Variants in TACC2 observed in about 807,000 individuals in gnomAD.
TACC2 encodes transforming acidic coiled-coil-containing protein 2.
In TACC2, 137 loss-of-function variants were observed where a neutral mutation model predicts 227.3. The ratio of observed to expected loss-of-function variants is 0.60; its 90% CI spans 0.52 to 0.69. The LOEUF (loss-of-function observed/expected upper bound fraction) is 0.69, where lower values mean the gene tolerates loss of function less well. Among genes scored for constraint, TACC2 ranks in the 30% least tolerant of loss-of-function variants. The probability of loss-of-function intolerance (pLI) is 0.00; values close to 1 mark genes in which losing one functional copy is unlikely to be tolerated. For missense variants in TACC2, 3,470 were observed against 3,694.4 expected, an observed-to-expected ratio of 0.94 and a Z score of 1.57; for synonymous variants, 1,523 against 1,487.5, an observed-to-expected ratio of 1.02 and a Z score of -0.55.
chr10:122,163,484 A>C (rs1014207286), intron 7 of TACC2: 1 of 820,428 alleles, frequency 1.2e-6, no homozygotes, highest in Non-Finnish European at 1.5e-6. Flanking sequence ...TCGCCTCCCC[A>C]CCCCCAGCCC....
chr10:122,122,854 T>A (rs778079811), intron 5 of TACC2, among the ~76,000 whole-genome samples: 1 of 152,222 alleles, frequency 6.6e-6, no homozygotes, highest in South Asian at 2.1e-4. Flanking sequence ...CATTAATTCT[T>A]TTATTGTAAT....
intron 7 of TACC2, among the ~76,000 whole-genome samples, chr10:122,179,572 G>A (rs2093889170): frequency 6.6e-6 from 1 of 152,134 alleles, no homozygotes; most frequent in Admixed American, 6.6e-5. Flanking sequence ...TCACCTTGGA[G>A]GCGAGCAAGC....
chr10:122,043,587 CCTTTCTTT>C, intron 2 of TACC2, among the ~76,000 whole-genome samples: 1 of 47,626 alleles, frequency 2.1e-5, no homozygotes, highest in African/African-American at 7.1e-5. Flanking sequence ...TTCCTTTCTT[CCTTTCTTT>C]CTTTCTTACA....
intron 8 of TACC2, among the ~76,000 whole-genome samples, chr10:122,203,894 G>A (rs975687492): frequency 2.6e-5 from 4 of 152,174 alleles, no homozygotes; most frequent in South Asian, 2.1e-4. Context: ...ACGAGACTCC[G>A]TCTGCAATCC....
At chr10:122,215,368 T>C (rs1462370828) in intron 9 of TACC2, 23 bp from the exon 10 acceptor site, 1 of 1,610,704 alleles carries the variant, frequency 6.2e-7, no homozygotes, top group African/African-American at 1.3e-5. Flanking sequence ...TTGTTGTGTT[T>C]ACGTTTTCCA....
chr10:122,195,223 G>T lies in TACC2; in HGVS notation c.5971+47G>T, dbSNP rs74159085. On this transcript the variant is annotated intron_variant, in intron 8 of 22. Coordinates refer to ENST00000369005, the MANE Select transcript of TACC2 (RefSeq NM_206862.4). ...CCCAGACAGCCCTGTAGAGTTGTGA[G>T]CCCTGGGGGAGATTTGCAGCAGTTC... 6.9e-3 allele frequency: 10,584 copies of T among 1,527,166 alleles called. 679 individuals are homozygous for T. The African/African-American group carries it at 0.13, about 19-fold the overall frequency. 94.6% of individuals were successfully genotyped at this position (1,527,166 alleles called of 1,614,324 possible). A position where few individuals can be genotyped will look rare whatever the true frequency, so the allele number is the denominator to read the frequency against.
rs2080266537 is a variant in TACC2, at chr10:122,087,938, C to T, written c.5438C>T (p.Pro1813Leu). 4.0e-6 allele frequency: 6 copies of T among 1,510,706 alleles called. No homozygotes were observed. The highest frequency in any genetic ancestry group is 5.3e-6 in the Non-Finnish European group (6 of 1,130,028). The allele number at this position is 1,510,706 out of a possible 1,614,324, so 93.6% of individuals were successfully genotyped here. The change falls in exon 4 of 23, where the codon CCA becomes CTA. Residue 1813 changes from proline (P) to leucine (L), a missense_variant. Around this residue, in one of 10 missense-constraint regions of TACC2, gnomAD observed 1,924 missense variants for 1,978.3 expected, o/e 0.97. Coordinates refer to ENST00000369005, the MANE Select transcript of TACC2 (RefSeq NM_206862.4). ...THDPKLQHLAPEELHTDRESP... is the reference protein window; with the variant it reads ...THDPKLQHLALEELHTDRESP... ...GACCCGAAGCTGCAACATTTGGCTC[C>T]AGAAGAGCTCCACACTGACAGGTAC...
At chr10:122,246,196 G>A (rs539441531) in intron 19 of TACC2, among the ~76,000 whole-genome samples, 1 of 152,308 alleles carries the variant, frequency 6.6e-6, no homozygotes, top group South Asian at 2.1e-4. Context: ...CTCACGCCGT[G>A]GGGTGGGGTG....
At chr10:122,200,937 ACAGCGACC>A (rs2094798137) in intron 8 of TACC2, among the ~76,000 whole-genome samples, 1 of 146,954 alleles carries the variant, frequency 6.8e-6, no homozygotes, top group African/African-American at 2.6e-5. Flanking sequence ...CACGGGGAGG[ACAGCGACC>A]TCACCCGCCC....
At chr10:122,130,499 C>T (rs1424070142) in intron 5 of TACC2, among the ~76,000 whole-genome samples, 1 of 152,078 alleles carries the variant, frequency 6.6e-6, no homozygotes, top group Non-Finnish European at 1.5e-5. Flanking sequence ...CCAGGCTGGT[C>T]TTCAACTCCT....
intron 7 of TACC2, among the ~76,000 whole-genome samples, chr10:122,185,034 T>TC (rs1322874370): frequency 1.3e-5 from 2 of 148,198 alleles, no homozygotes; most frequent in East Asian, 3.9e-4. Context: ...TTTTTTTTTT[T>TC]TTTTTTTTTT....
chr10:122,175,435 T>C (rs2093653338), intron 7 of TACC2, among the ~76,000 whole-genome samples: 1 of 152,222 alleles, frequency 6.6e-6, no homozygotes, highest in South Asian at 2.1e-4. Context: ...TTCATTCCCG[T>C]GCTAATCCTC....
intron 11 of TACC2, among the ~76,000 whole-genome samples, chr10:122,219,359 C>T (rs143874176): frequency 6.6e-6 from 1 of 152,282 alleles, no homozygotes; most frequent in Non-Finnish European, 1.5e-5. Context: ...GGATATGAAA[C>T]ACCGTAATAA....
At position 122,084,618 on chromosome 10, in the gene TACC2, A is replaced by T. The variant is rs2079895403; in HGVS notation, c.2118A>T (p.Gly706=). The T allele has an allele frequency of 6.2e-7, 1 of 1,613,826 alleles. No individual in the cohort carries two copies. The highest frequency in any genetic ancestry group is 8.5e-7 in the Non-Finnish European group (1 of 1,180,022). Residue 706 remains glycine, a synonymous_variant, in exon 4 of 23, where the codon GGA becomes GGT. Coordinates refer to ENST00000369005, the MANE Select transcript of TACC2 (RefSeq NM_206862.4). ...KCPDTLQSRE[G]LGRMESFLTL... is the part of the protein sequence containing the mutation. Reference sequence around the variant, plus strand: ...CTGACACCCTTCAGAGCAGGGAAGGATTGGGAAGAATGGAGTCTTTCCTGA... The same window carrying T: ...CTGACACCCTTCAGAGCAGGGAAGGTTTGGGAAGAATGGAGTCTTTCCTGA...
At chr10:122,122,663 G>C (rs987810403) in intron 5 of TACC2, among the ~76,000 whole-genome samples, 8 of 152,038 alleles carry the variant, frequency 5.3e-5, no homozygotes, top group Non-Finnish European at 1.0e-4. Context: ...GTCAGGCCCA[G>C]AGCATGCTGT....
intron 22 of TACC2, 148 bp downstream of exon 22, chr10:122,249,812 T>A: frequency 9.8e-7 from 1 of 1,016,646 alleles, no homozygotes; most frequent in Non-Finnish European, 1.4e-6. Context: ...TGGTTCCTTC[T>A]AGAAGTTCCA....
chr10:122,071,816 G>T (rs1176739631), intron 3 of TACC2, among the ~76,000 whole-genome samples: 1 of 149,688 alleles, frequency 6.7e-6, no homozygotes. Context: ...GAACCCAGAA[G>T]GTGGAGGTTG....
At chr10:122,122,091 C>A (rs2085929196) in intron 5 of TACC2, among the ~76,000 whole-genome samples, 1 of 152,234 alleles carries the variant, frequency 6.6e-6, no homozygotes, top group Non-Finnish European at 1.5e-5. Context: ...CGCGGTGGCT[C>A]ACGCCTGTAA....
Position 122,050,805 on chromosome 10 carries a change from C to G in TACC2, c.146+255C>G. 2.1e-6 allele frequency: 1 copy of G among 475,284 alleles called. No individual in the cohort carries two copies. The highest frequency in any genetic ancestry group is 3.2e-5 in the South Asian group (1 of 30,994). 29.4% of individuals were successfully genotyped at this position (475,284 alleles called of 1,614,324 possible). A position where few individuals can be genotyped will look rare whatever the true frequency, so the allele number is the denominator to read the frequency against. ...ATTATAGACTTCCATTCCAGCCACA[C>G]TCCAGAGTATCTTCATTGTCAGAAC... On this transcript the variant is annotated intron_variant, in intron 3 of 22. Transcript: ENST00000369005. This position sits in a 1 kb window ranked among gnomAD's most constrained non-coding sequence, Gnocchi z 4.6.
Sources: gnomAD v4.1 joint callset for allele counts (sites outside exome capture counted in the v4.1 genomes callset) on GRCh38, gnomAD v4.1.1 for gene constraint, gnomAD v4.1.1 regional missense constraint, Gnocchi (gnomAD v3.1) non-coding constraint, MANE v1.5 for transcripts, NCBI Gene and HGNC (gene_info 2026-07-23, HGNC 2026-07-21) for gene names.